The following GIGYF2 variants were observed in gnomAD, a reference collection of about 807,000 sequenced individuals.
GIGYF2 encodes the protein GRB10 interacting GYF protein 2.
Under a neutral mutation model 208.1 loss-of-function variants are expected in GIGYF2, and 25 were observed. The ratio of observed to expected loss-of-function variants is 0.12; its 90% CI spans 0.09 to 0.17. The LOEUF is 0.17. Among genes scored for constraint, GIGYF2 ranks in the 10% least tolerant of loss-of-function variants. The pLI is 1.00. For missense variants in GIGYF2, 1,302 were observed against 1,579.4 expected, an observed-to-expected ratio of 0.82 and a Z score of 2.98; for synonymous variants, 534 against 543.8, an observed-to-expected ratio of 0.98 and a Z score of 0.25.
chr2:232,756,179 T>C (rs1330785808), intron 5 of GIGYF2, 44 bp from the exon 6 acceptor site: 1 of 1,216,166 alleles, frequency 8.2e-7, no homozygotes, highest in Non-Finnish European at 1.2e-6. Flanking sequence ...TTTTTTTCTT[T>C]CTTTTTTTCC....
In GIGYF2 at chr2:232,787,243, A is replaced by G; in HGVS notation, c.626A>G (p.Glu209Gly). The G allele has an allele frequency of 6.2e-7, 1 of 1,614,080 alleles. No homozygotes were observed. Among genetic ancestry groups the G allele is most frequent in the Non-Finnish European group, 8.5e-7 (1 of 1,179,966 alleles). ...AGTGAAAATTGGCGCATCTTTAGAG[A>G]GGAACAAAATGGAGAAGATGAAGAT... ...SESENWRIFR[E>G]EQNGEDEDGG... The change falls in exon 9 of 29, where the codon GAG (glutamate) becomes GGG (glycine). Residue 209 changes from glutamate (E) to glycine (G), a missense_variant. Physicochemically the swap from Glu to Gly is moderately conservative, Grantham distance 98 (BLOSUM62 -2). This residue lies in a region of GIGYF2 where 189 missense variants were observed against 257.7 expected (regional missense o/e 0.73). Coordinates refer to ENST00000373563, the MANE Select transcript of GIGYF2 (RefSeq NM_001103146.3).
intron 16 of GIGYF2, chr2:232,810,208 G>A (rs969991081): frequency 7.1e-5 from 13 of 183,728 alleles, no homozygotes; most frequent in Middle Eastern, 2.7e-3. Flanking sequence ...GGCTGGCCTC[G>A]AACTCCCAGC....
At chr2:232,781,541 T>C (rs950467447) in intron 8 of GIGYF2, among the ~76,000 whole-genome samples, 1 of 152,212 alleles carries the variant, frequency 6.6e-6, no homozygotes, top group Non-Finnish European at 1.5e-5. Flanking sequence ...AAAATTTTTA[T>C]ATTGAAGAAG....
At chr2:232,795,996 T>A in intron 13 of GIGYF2, 66 bp from the exon 14 acceptor site, 1 of 1,165,784 alleles carries the variant, frequency 8.6e-7, no homozygotes, top group Non-Finnish European at 1.3e-6. Context: ...GCAGGCACTG[T>A]TATTATGTGT....
intron 8 of GIGYF2, among the ~76,000 whole-genome samples, chr2:232,771,686 T>G (rs1699251812): frequency 6.6e-6 from 1 of 152,232 alleles, no homozygotes; most frequent in African/African-American, 2.4e-5. Flanking sequence ...CCCCTGTGTC[T>G]TCCTTGCACA....
intron 6 of GIGYF2, among the ~76,000 whole-genome samples, chr2:232,757,539 T>TAGA (rs1178076789): frequency 6.6e-6 from 1 of 152,098 alleles, no homozygotes; most frequent in Non-Finnish European, 1.5e-5. Context: ...CCATGCATCT[T>TAGA]GGTGGCATGG....
At chr2:232,824,543 G>A (rs1701191085) in intron 21 of GIGYF2, among the ~76,000 whole-genome samples, 1 of 152,202 alleles carries the variant, frequency 6.6e-6, no homozygotes, top group South Asian at 2.1e-4. Context: ...TGTGAAAGCC[G>A]AGAGAGGTGA....
intron 4 of GIGYF2, among the ~76,000 whole-genome samples, chr2:232,748,460 T>G (rs1430382086): frequency 6.6e-6 from 1 of 152,178 alleles, no homozygotes; most frequent in East Asian, 1.9e-4. Flanking sequence ...TTTTTTTGTA[T>G]TTTTGGTAGA....
chr2:232,822,530 A>T (rs917629328), intron 21 of GIGYF2, among the ~76,000 whole-genome samples: 1 of 152,212 alleles, frequency 6.6e-6, no homozygotes, highest in Non-Finnish European at 1.5e-5. Context: ...AAAATACAAA[A>T]ATTAGCTGGG....
At chr2:232,753,739 G>A (rs1441919188) in intron 5 of GIGYF2, among the ~76,000 whole-genome samples, 1 of 152,196 alleles carries the variant, frequency 6.6e-6, no homozygotes, top group Non-Finnish European at 1.5e-5. Context: ...GAGAAGTTGA[G>A]TATAGAGGCC....
At chr2:232,844,293 G>A in intron 24 of GIGYF2, 38 bp downstream of exon 24, 7 of 1,611,698 alleles carry the variant, frequency 4.3e-6, no homozygotes, top group Non-Finnish European at 5.9e-6. Context: ...GTATGGACTA[G>A]TATTATCTTT....
chr2:232,838,320 G>C (rs1701714721), intron 22 of GIGYF2, among the ~76,000 whole-genome samples: 1 of 152,062 alleles, frequency 6.6e-6, no homozygotes, highest in African/African-American at 2.4e-5. Flanking sequence ...GTATGTGTGT[G>C]TATATAGAGA....
chr2:232,754,538 G>A (rs1031849808), intron 5 of GIGYF2, among the ~76,000 whole-genome samples: 12 of 152,100 alleles, frequency 7.9e-5, no homozygotes, highest in African/African-American at 2.7e-4. Context: ...GTGATAGTTT[G>A]GTTGACAGGT....
chr2:232,815,576 G>A, intron 18 of GIGYF2, 61 bp from the exon 19 acceptor site: 1 of 911,704 alleles, frequency 1.1e-6, no homozygotes. Flanking sequence ...TGATTCCTAC[G>A]GATATGTCAC....
At chr2:232,712,762 G>A (rs149881653) in intron 2 of GIGYF2, among the ~76,000 whole-genome samples, 10 of 152,258 alleles carry the variant, frequency 6.6e-5, no homozygotes, top group African/African-American at 2.4e-4. Context: ...CTGCTTTGAG[G>A]AGTGGAACAC....
In GIGYF2 at chr2:232,773,742, G is replaced by A. The variant is rs577508207; in HGVS notation, c.532+12306G>A. Among the ~76,000 whole-genome samples the A allele has an allele frequency of 3.3e-5, 5 of 152,076 alleles. No individual in the cohort carries two copies. In the South Asian group the frequency reaches 1.0e-3, roughly 32 times the overall value. ...ACCAAATACTTCATATGTACAAACTGATGTGAAGCCAGTGGCACAGAGTAA... is the reference window on the plus strand; with the variant it reads ...ACCAAATACTTCATATGTACAAACTAATGTGAAGCCAGTGGCACAGAGTAA... On this transcript the variant is annotated intron_variant, in intron 8 of 28. Coordinates refer to ENST00000373563, the MANE Select transcript of GIGYF2 (RefSeq NM_001103146.3).
intron 3 of GIGYF2, among the ~76,000 whole-genome samples, chr2:232,743,255 T>TTCTAGATG (rs1698035689): frequency 6.6e-6 from 1 of 152,118 alleles, no homozygotes; most frequent in Admixed American, 6.6e-5. Context: ...GTAGAGATGT[T>TTCTAGATG]TCTAGATGAA....
At chr2:232,776,297 T>C (rs1261951784) in intron 8 of GIGYF2, 2 of 537,864 alleles carry the variant, frequency 3.7e-6, no homozygotes, top group South Asian at 6.8e-5. Context: ...GGGAAAAGAA[T>C]ATAGAAACCT....
At chr2:232,749,182 C>T in intron 5 of GIGYF2, 100 bp downstream of exon 5, 1 of 767,024 alleles carries the variant, frequency 1.3e-6, no homozygotes, top group South Asian at 1.4e-5. Context: ...TATCCTGCAT[C>T]CTCATAGGTC....
Sources: allele counts gnomAD v4.1 joint callset (sites outside exome capture counted in the v4.1 genomes callset), GRCh38; gene constraint gnomAD v4.1.1; regional missense constraint gnomAD v4.1.1; transcripts MANE v1.5; gene names NCBI Gene and HGNC (gene_info 2026-07-23, HGNC 2026-07-21).